Variants in SERPINB12 observed in about 807,000 individuals in gnomAD.
The protein encoded by SERPINB12 is serpin family B member 12.
SERPINB12 carries 57 observed loss-of-function variants against 41.1 expected under a neutral mutation model. That is an observed-to-expected ratio of 1.39 (90% CI 1.12 to 1.73). SERPINB12 has a LOEUF of 1.73. Among genes scored for constraint, SERPINB12 ranks in the 40% most tolerant of loss-of-function variants. The pLI, the probability that SERPINB12 is intolerant of heterozygous loss-of-function variation, is 0.00. For missense variants in SERPINB12, 536 were observed against 501.9 expected (o/e 1.07, Z -0.65); for synonymous variants, 180 against 181.3 (o/e 0.99, Z 0.06).
At position 63,565,550 on chromosome 18, in the gene SERPINB12, A is replaced by C; in HGVS notation, c.811A>C (p.Lys271Gln). 6.2e-7 allele frequency: 1 copy of C among 1,614,132 alleles called. No homozygotes were observed. The highest frequency in any genetic ancestry group is 8.5e-7 in the Non-Finnish European group (1 of 1,179,992). ...QILEMRYTKGKLSMFVLLPSH... is the reference protein window; with the variant it reads ...QILEMRYTKGQLSMFVLLPSH... ...CCTGGAAATGAGGTACACCAAGGGGAAGCTCAGCATGTTCGTGCTGCTGCC... is the reference window on the plus strand; with the variant it reads ...CCTGGAAATGAGGTACACCAAGGGGCAGCTCAGCATGTTCGTGCTGCTGCC... The change falls in exon 7 of 8, where the codon AAG (lysine) becomes CAG (glutamine). Residue 271 changes from lysine (K) to glutamine (Q), a missense_variant. Physicochemically the swap from Lys to Gln is moderately conservative, Grantham distance 53. Coordinates refer to ENST00000382768, the MANE Select transcript of SERPINB12 (RefSeq NM_001307928.2).
At chr18:63,525,158 A>T in the SERPINB12 span, among the ~76,000 whole-genome samples, 6 of 152,032 alleles carry the variant, frequency 3.9e-5, no homozygotes, top group African/African-American at 1.4e-4. Context: ...GTTTTTTTCT[A>T]TGTTGTTTCT....
Position 63,567,102 on chromosome 18 carries a change from T to G in SERPINB12, c.*91T>G. On this transcript the variant is annotated 3_prime_UTR_variant, in exon 8 of 8. Coordinates refer to ENST00000382768, the MANE Select transcript of SERPINB12 (RefSeq NM_001307928.2). ...AGATGGGCATTTGAGTTTTTGGTAA[T>G]ATCTAAAGCATCTCCTTCATCCTCC... is the stretch of plus-strand genomic sequence containing the variant. The G allele has an allele frequency of 8.0e-7, 1 of 1,253,858 alleles. No individual in the cohort carries two copies. Among genetic ancestry groups the G allele is most frequent in the Non-Finnish European group, 1.1e-6 (1 of 908,870 alleles). 77.7% of individuals were successfully genotyped at this position (1,253,858 alleles called of 1,614,324 possible). A position where few individuals can be genotyped will look rare whatever the true frequency, so the allele number is the denominator to read the frequency against.
intron 7 of SERPINB12, 101 bp from the exon 8 acceptor site, chr18:63,566,506 T>C (rs2077549): frequency 0.72 from 700,440 of 978,868 alleles, 252,536 homozygotes; most frequent in Non-Finnish European, 0.74. Context: ...TCTTGAAGGT[T>C]GTCACTGCCC....
intron 1 of SERPINB12, among the ~76,000 whole-genome samples, chr18:63,543,378 C>T (rs1455566): frequency 0.58 from 87,608 of 151,848 alleles, 27,499 homozygotes; most frequent in Middle Eastern, 0.72. Context: ...ATGCTTCATT[C>T]TGAAGGAGTG....
intron 5 of SERPINB12, among the ~76,000 whole-genome samples, chr18:63,561,531 A>C (rs1487275926): frequency 1.3e-5 from 2 of 152,248 alleles, no homozygotes; most frequent in African/African-American, 4.8e-5. Context: ...CAGCAATCCC[A>C]TTACTGAGTA....
upstream of SERPINB12, among the ~76,000 whole-genome samples, chr18:63,539,709 C>T (rs1034664941): frequency 5.3e-5 from 8 of 152,130 alleles, no homozygotes; most frequent in African/African-American, 1.9e-4. Flanking sequence ...AGTTATATTC[C>T]CCAAGCACAC....
In SERPINB12 at chr18:63,564,034, C is replaced by T; in HGVS notation, c.619C>T (p.Leu207=). The T allele has an allele frequency of 6.2e-7, 1 of 1,613,976 alleles. No homozygotes were observed. ...TATTAATGCTGAGACTGTGCTGGTA[C>T]TGGTGAATGCTGTTTACTTCAAGGC... ...DAINAETVLV[L]VNAVYFKAKW... Residue 207 remains leucine, a synonymous_variant, in exon 6 of 8, where the codon CTG becomes TTG. Coordinates refer to ENST00000382768, the MANE Select transcript of SERPINB12 (RefSeq NM_001307928.2).
intron 1 of SERPINB12, among the ~76,000 whole-genome samples, chr18:63,546,192 C>T (rs1910383652): frequency 6.6e-6 from 1 of 152,140 alleles, no homozygotes. Context: ...AGATAAAGGG[C>T]TCAGTAGGAG....
chr18:63,538,681 GT>G (rs1910218730), upstream of SERPINB12, among the ~76,000 whole-genome samples: 1 of 152,098 alleles, frequency 6.6e-6, no homozygotes, highest in Non-Finnish European at 1.5e-5. Context: ...GTGGACATAG[GT>G]TTTCATTTAT....
At chr18:63,540,321 C>CTGGA (rs1448104237), upstream of SERPINB12, among the ~76,000 whole-genome samples, 5 of 152,242 alleles carry the variant, frequency 3.3e-5, no homozygotes, top group African/African-American at 1.2e-4. Flanking sequence ...TGGGATCTCC[C>CTGGA]TGGAGTACAA....
At chr18:63,535,577 T>C in the SERPINB12 span, among the ~76,000 whole-genome samples, 1 of 152,134 alleles carries the variant, frequency 6.6e-6, no homozygotes, top group African/African-American at 2.4e-5. Flanking sequence ...ACAAAAAAGA[T>C]ATGACAACTA....
chr18:63,561,700 T>C (rs1384299777), intron 5 of SERPINB12, among the ~76,000 whole-genome samples: 3 of 152,200 alleles, frequency 2.0e-5, no homozygotes, highest in Non-Finnish European at 4.4e-5. Context: ...CATGGAATAC[T>C]ACACAGCCAT....
chr18:63,540,670 A>T (rs1395847786), upstream of SERPINB12, among the ~76,000 whole-genome samples: 1 of 152,202 alleles, frequency 6.6e-6, no homozygotes, highest in Non-Finnish European at 1.5e-5. Flanking sequence ...TTTATCCAGT[A>T]ATTTAACACC....
the SERPINB12 span, among the ~76,000 whole-genome samples, chr18:63,537,069 A>G: frequency 3.9e-5 from 6 of 152,216 alleles, no homozygotes; most frequent in Admixed American, 6.6e-5. Context: ...GAAGTGGAAC[A>G]ACTATGTAAA....
At chr18:63,555,239 A>T (rs1240431881) in intron 1 of SERPINB12, among the ~76,000 whole-genome samples, 1 of 152,174 alleles carries the variant, frequency 6.6e-6, no homozygotes, top group Non-Finnish European at 1.5e-5. Context: ...TGTAGTTTGC[A>T]TGTGGGATGA....
intron 1 of SERPINB12, among the ~76,000 whole-genome samples, 120 bp downstream of exon 1, chr18:63,542,612 G>T (rs2095470401): frequency 6.6e-6 from 1 of 152,116 alleles, no homozygotes; most frequent in Admixed American, 6.6e-5. Flanking sequence ...AGTCAGGGAG[G>T]TGCTAACGTT....
At chr18:63,561,046 A>G (rs377306182) in intron 4 of SERPINB12, 39 bp from the exon 5 acceptor site, 88 of 1,338,296 alleles carry the variant, frequency 6.6e-5, no homozygotes, top group Non-Finnish European at 8.0e-5. Flanking sequence ...TCACTGCCTG[A>G]CTTTATTGCA....
intron 5 of SERPINB12, 122 bp downstream of exon 5, chr18:63,561,324 C>T (rs1441958186): frequency 1.4e-5 from 9 of 626,916 alleles, no homozygotes; most frequent in Non-Finnish European, 2.6e-5. Context: ...GGACTGTGTT[C>T]AAAGCATGGT....
chr18:63,525,702 T>A, the SERPINB12 span, among the ~76,000 whole-genome samples: 1 of 152,298 alleles, frequency 6.6e-6, no homozygotes, highest in East Asian at 1.9e-4. Context: ...TTTATTTTTT[T>A]AAACAATTAT....
Sources: allele counts gnomAD v4.1 joint callset (sites outside exome capture counted in the v4.1 genomes callset), GRCh38; gene constraint gnomAD v4.1.1; transcripts MANE v1.5; gene names NCBI Gene and HGNC (gene_info 2026-07-23, HGNC 2026-07-21).